The following RPS6KC1 variants were observed in gnomAD, a reference collection of about 807,000 sequenced individuals.
RPS6KC1 encodes inactive ribosomal protein S6 kinase delta-1.
A neutral mutation model predicts 103.8 loss-of-function variants in RPS6KC1; 54 were observed. That is an observed-to-expected ratio of 0.52 (90% CI 0.42 to 0.65). The LOEUF is 0.65. Among genes scored for constraint, RPS6KC1 ranks in the 30% least tolerant of loss-of-function variants. The pLI, the probability that RPS6KC1 is intolerant of heterozygous loss-of-function variation, is 0.00. For missense variants in RPS6KC1, 1,151 were observed against 1,253.8 expected (o/e 0.92, Z 1.24); for synonymous variants, 439 against 438.7 (o/e 1.00, Z -0.01).
intron 3 of RPS6KC1, among the ~76,000 whole-genome samples, chr1:213,084,138 C>T (rs891866326): frequency 6.6e-6 from 1 of 152,120 alleles, no homozygotes; most frequent in Non-Finnish European, 1.5e-5. Flanking sequence ...CTCCTTCCCT[C>T]TCTCCCTTTC....
At chr1:213,797,959 A>C in the RPS6KC1 span, among the ~76,000 whole-genome samples, 65 of 152,356 alleles carry the variant, frequency 4.3e-4, 1 homozygote, top group African/African-American at 1.4e-3. Flanking sequence ...AGACCTCTCA[A>C]GAGAGGAGGC....
chr1:213,223,858 G>T (rs1328066815), intron 8 of RPS6KC1, among the ~76,000 whole-genome samples: 5 of 152,074 alleles, frequency 3.3e-5, no homozygotes, highest in African/African-American at 1.2e-4. Context: ...AATTGTTCTG[G>T]AGTCCCATGA....
chr1:213,283,398 C>CA, the RPS6KC1 span, among the ~76,000 whole-genome samples: 1 of 152,118 alleles, frequency 6.6e-6, no homozygotes, highest in African/African-American at 2.4e-5. Flanking sequence ...AACTAGGTGA[C>CA]AAAACATTAA....
chr1:213,530,588 G>C, the RPS6KC1 span, among the ~76,000 whole-genome samples: 2 of 152,204 alleles, frequency 1.3e-5, no homozygotes, highest in East Asian at 3.9e-4. Flanking sequence ...CAGTTAATAA[G>C]TGCATCTGTA....
At chr1:213,770,344 T>G in the RPS6KC1 span, among the ~76,000 whole-genome samples, 1 of 152,188 alleles carries the variant, frequency 6.6e-6, no homozygotes, top group Non-Finnish European at 1.5e-5. Context: ...CCAGTGTGTT[T>G]TACAACACTG....
chr1:213,259,386 C>T (rs1042221630), intron 12 of RPS6KC1, among the ~76,000 whole-genome samples: 1 of 133,048 alleles, frequency 7.5e-6, no homozygotes, highest in South Asian at 2.8e-4. Flanking sequence ...ATGGTAAAAC[C>T]CCGTGTCTAC....
chr1:213,101,268 A>C (rs2081997503), intron 3 of RPS6KC1, among the ~76,000 whole-genome samples: 1 of 152,114 alleles, frequency 6.6e-6, no homozygotes, highest in Non-Finnish European at 1.5e-5. Flanking sequence ...TGCCCACTTA[A>C]TGCCATTCTT....
chr1:213,190,619 G>T (rs776356966), intron 8 of RPS6KC1, among the ~76,000 whole-genome samples: 23 of 152,092 alleles, frequency 1.5e-4, no homozygotes, highest in Non-Finnish European at 3.2e-4. Flanking sequence ...TCACTTTTTT[G>T]ATTGTTTTCT....
the RPS6KC1 span, among the ~76,000 whole-genome samples, chr1:213,779,102 G>GA: frequency 6.6e-6 from 1 of 152,252 alleles, no homozygotes; most frequent in East Asian, 1.9e-4. Context: ...ATATGGGAAA[G>GA]AAAAAGTAGG....
the RPS6KC1 span, among the ~76,000 whole-genome samples, chr1:213,499,105 C>G: frequency 6.6e-6 from 1 of 152,098 alleles, no homozygotes; most frequent in African/African-American, 2.4e-5. Flanking sequence ...TATCAACATT[C>G]AGCATCATAA....
the RPS6KC1 span, among the ~76,000 whole-genome samples, chr1:213,770,925 T>C: frequency 6.6e-6 from 1 of 152,230 alleles, no homozygotes; most frequent in African/African-American, 2.4e-5. Flanking sequence ...TTTGTCTTCA[T>C]AAATATAGCT....
At chr1:213,635,600 C>G in the RPS6KC1 span, among the ~76,000 whole-genome samples, 21,827 of 152,022 alleles carry the variant, frequency 0.14, 2,503 homozygotes, top group African/African-American at 0.32. Flanking sequence ...AATAAACTAG[C>G]TATCGATGGA....
chr1:213,677,248 C>G, the RPS6KC1 span, among the ~76,000 whole-genome samples: 631 of 152,324 alleles, frequency 4.1e-3, 2 homozygotes, highest in East Asian at 0.034. Context: ...TCACTCCTCA[C>G]CTGAACTGGT....
chr1:213,338,199 A>G, the RPS6KC1 span, among the ~76,000 whole-genome samples: 2 of 152,154 alleles, frequency 1.3e-5, no homozygotes, highest in Non-Finnish European at 2.9e-5. Context: ...ATTGATCCTC[A>G]CATCAAGTCC....
intron 1 of RPS6KC1, among the ~76,000 whole-genome samples, chr1:213,064,770 T>A (rs1211645125): frequency 6.8e-6 from 1 of 146,138 alleles, no homozygotes; most frequent in Non-Finnish European, 1.5e-5. Flanking sequence ...CTCTGCCTCC[T>A]GGGTTCATGC....
chr1:213,676,478 C>T, the RPS6KC1 span, among the ~76,000 whole-genome samples: 18 of 152,292 alleles, frequency 1.2e-4, no homozygotes, highest in South Asian at 8.3e-4. Flanking sequence ...CCGTGTCAGA[C>T]GGAAGGAGAG....
chr1:213,794,371 T>G, the RPS6KC1 span: 1 of 152,302 alleles, frequency 6.6e-6, no homozygotes, highest in East Asian at 1.9e-4. Flanking sequence ...CTCTCTGCCC[T>G]TTCTCTTCTC....
chr1:213,602,975 A>C, the RPS6KC1 span, among the ~76,000 whole-genome samples: 2 of 152,296 alleles, frequency 1.3e-5, no homozygotes, highest in East Asian at 3.9e-4. Context: ...TGGTTTGTGG[A>C]GTCTGAGAGA....
chr1:213,361,650 A>G, the RPS6KC1 span, among the ~76,000 whole-genome samples: 1 of 152,234 alleles, frequency 6.6e-6, no homozygotes, highest in South Asian at 2.1e-4. Flanking sequence ...TAGGAGCTGT[A>G]GACTGGAGCT....
Sources: gnomAD v4.1 joint callset for allele counts (sites outside exome capture counted in the v4.1 genomes callset) on GRCh38, gnomAD v4.1.1 for gene constraint, MANE v1.5 for transcripts, NCBI Gene and HGNC (gene_info 2026-07-23, HGNC 2026-07-21) for gene names.